The following CCDC82 variants were observed in gnomAD, a reference collection of about 807,000 sequenced individuals.
CCDC82 encodes coiled-coil domain-containing protein 82.
Under a neutral mutation model 60.6 loss-of-function variants are expected in CCDC82, and 47 were observed. The observed-to-expected ratio is 0.77, with a 90% CI of 0.61 to 0.99. The LOEUF is 0.99. Among genes scored for constraint, CCDC82 ranks in the 50% least tolerant of loss-of-function variants. The pLI is 0.00. For missense variants in CCDC82, 588 were observed against 633.0 expected (o/e 0.93, Z 0.76); for synonymous variants, 212 against 207.4 (o/e 1.02, Z -0.19).
intron 6 of CCDC82, among the ~76,000 whole-genome samples, chr11:96,371,467 A>G (rs1017090237): frequency 1.3e-5 from 2 of 152,132 alleles, no homozygotes; most frequent in Non-Finnish European, 2.9e-5. Context: ...CTGTAGTCCC[A>G]GCTACTCGGG....
rs950768273 is a variant in CCDC82 at position 96,373,455 on chromosome 11, T to C, written c.1004A>G (p.Asp335Gly). 2 of 1,588,962 alleles carry C rather than the reference T, an allele frequency of 1.3e-6. No individual in the cohort carries two copies. Among genetic ancestry groups the C allele is most frequent in the African/African-American group, 2.7e-5 (2 of 73,842 alleles). The change falls in exon 6 of 10, where the codon GAC (aspartate) becomes GGC (glycine). Residue 335 changes from aspartate (D) to glycine (G), a missense_variant. Physicochemically the swap from Asp to Gly is moderately conservative, Grantham distance 94 (BLOSUM62 -1). Coordinates refer to ENST00000646818, the MANE Select transcript of CCDC82 (RefSeq NM_024725.4). ...VKQNSLYSFS[D>G]HYTHFERVVK... is the part of the protein sequence containing the mutation. ...AACTCTTTCAAAATGAGTATAGTGG[T>C]CACTAAAAGAATCTGAAATTAATTT...
chr11:96,370,244 A>C (rs1290685936), intron 7 of CCDC82, among the ~76,000 whole-genome samples: 2 of 152,154 alleles, frequency 1.3e-5, no homozygotes, highest in Non-Finnish European at 2.9e-5. Context: ...TAAATAACTT[A>C]AACTTCAATT....
At chr11:96,366,890 T>A (rs1864978548) in intron 7 of CCDC82, among the ~76,000 whole-genome samples, 2 of 152,182 alleles carry the variant, frequency 1.3e-5, no homozygotes, top group South Asian at 4.1e-4. Context: ...AGTAAATATA[T>A]CAATAACGTG....
chr11:96,371,142 T>C lies in CCDC82; in HGVS notation c.1085-5A>G. The C allele has an allele frequency of 6.4e-7, 1 of 1,551,494 alleles. No homozygotes were observed. The highest frequency in any genetic ancestry group is 8.7e-7 in the Non-Finnish European group (1 of 1,152,966). ...ATGATTTTTGCCTTGTGCCATCTGT[T>C]CAGGGGATAAACAACAAAAAAAATC... On this transcript the variant is annotated splice_polypyrimidine_tract_variant and splice_region_variant and intron_variant, in intron 6 of 9. Coordinates refer to ENST00000646818, the MANE Select transcript of CCDC82 (RefSeq NM_024725.4).
At chr11:96,373,797 T>C (rs1271847782) in intron 5 of CCDC82, among the ~76,000 whole-genome samples, 5 of 152,146 alleles carry the variant, frequency 3.3e-5, no homozygotes, top group South Asian at 2.1e-4. Flanking sequence ...ATTTGACACT[T>C]AGAGTGACAG....
intron 8 of CCDC82, among the ~76,000 whole-genome samples, chr11:96,362,882 C>T (rs1864738079): frequency 6.6e-6 from 1 of 152,128 alleles, no homozygotes; most frequent in African/African-American, 2.4e-5. Context: ...TTTTATGTAA[C>T]TGCAAGCAGC....
At position 96,380,932 on chromosome 11, in the gene CCDC82, A is replaced by G. The variant is rs547202687; in HGVS notation, c.991+2337T>C. ...TGTCATTACACACTTGTCAAAACCC[A>G]TAAAAGGTACTAAAAAATGAGCCCT... On this transcript the variant is annotated intron_variant, in intron 5 of 9. Coordinates refer to ENST00000646818, the MANE Select transcript of CCDC82 (RefSeq NM_024725.4). 3 of 151,856 alleles carry G rather than the reference A, an allele frequency of 2.0e-5. No individual in the cohort carries two copies. In the South Asian group the frequency reaches 6.2e-4, roughly 31 times the overall value. 9.4% of individuals were successfully genotyped at this position (151,856 alleles called of 1,614,324 possible).
intron 3 of CCDC82, 159 bp from the exon 4 acceptor site, chr11:96,384,920 A>T: frequency 1.9e-6 from 1 of 522,302 alleles, no homozygotes. Context: ...TTAATTTAAC[A>T]AATAATTTAC....
intron 5 of CCDC82, among the ~76,000 whole-genome samples, chr11:96,373,859 C>T (rs1190783425): frequency 1.3e-5 from 2 of 152,268 alleles, no homozygotes; most frequent in African/African-American, 2.4e-5. Flanking sequence ...TTCTGTAAAA[C>T]GCGTTACATA....
rs778387124 is a variant in CCDC82, at chr11:96,384,274, A to T, written c.474T>A (p.Asn158Lys). 6.2e-7 allele frequency: 1 copy of T among 1,613,394 alleles called. No homozygotes were observed. The highest frequency in any genetic ancestry group is 1.3e-5 in the African/African-American group (1 of 74,850). Residue 158 changes from asparagine (N) to lysine (K), a missense_variant, in exon 4 of 10, where the codon AAT (asparagine) becomes AAA (lysine). By Grantham distance (94) the Asn-to-Lys change is moderately conservative (BLOSUM62 0). Transcript: ENST00000646818. ...DQEKHLSQED[N>K]DLNKQTGQII... ...TTTGTCCAGTTTGTTTGTTGAGATC[A>T]TTATCCTCTTGACTTAAATGTTTTT... is the stretch of plus-strand genomic sequence containing the variant.
At chr11:96,366,950 T>A (rs1445298707) in intron 7 of CCDC82, among the ~76,000 whole-genome samples, 1 of 152,242 alleles carries the variant, frequency 6.6e-6, no homozygotes, top group African/African-American at 2.4e-5. Context: ...ATGTTTACAC[T>A]GTACTGTAGT....
At chr11:96,376,213 GA>G (rs888633765) in intron 5 of CCDC82, among the ~76,000 whole-genome samples, 3 of 151,956 alleles carry the variant, frequency 2.0e-5, no homozygotes, top group African/African-American at 7.3e-5. Context: ...TATATGCCAA[GA>G]TTTTTTTTCA....
chr11:96,358,755 C>A, intron 9 of CCDC82: 1 of 881,712 alleles, frequency 1.1e-6, no homozygotes. Context: ...CAATAAAGGA[C>A]AGTGTTAATG....
At chr11:96,380,858 T>A (rs754201911) in intron 5 of CCDC82, 13 of 151,638 alleles carry the variant, frequency 8.6e-5, no homozygotes, top group Admixed American at 3.3e-4. Context: ...GCACAGGGCA[T>A]TTTGAGGACA....
intron 5 of CCDC82, among the ~76,000 whole-genome samples, chr11:96,379,887 G>A (rs758026357): frequency 6.6e-6 from 1 of 151,798 alleles, no homozygotes; most frequent in Non-Finnish European, 1.5e-5. Context: ...TAATGGGAAA[G>A]AGACTGCCCA....
intron 6 of CCDC82, among the ~76,000 whole-genome samples, chr11:96,371,420 A>C (rs576599351): frequency 3.3e-4 from 50 of 152,156 alleles, no homozygotes; most frequent in South Asian, 2.9e-3. Flanking sequence ...ATCTCTACTA[A>C]AAATACAAAA....
At chr11:96,358,722 A>G (rs1715171043) in intron 9 of CCDC82, 1 of 1,106,106 alleles carries the variant, frequency 9.0e-7, no homozygotes, top group African/African-American at 1.7e-5. Flanking sequence ...TACATACATA[A>G]AAGCGAAAGG....
At chr11:96,356,512 C>T (rs1479555166) in intron 9 of CCDC82, 1 of 985,176 alleles carries the variant, frequency 1.0e-6, no homozygotes, top group African/African-American at 1.7e-5. Flanking sequence ...CCCAACAATA[C>T]TATCTTCAAC....
At chr11:96,371,558 G>A (rs1041597269) in intron 6 of CCDC82, among the ~76,000 whole-genome samples, 3 of 152,212 alleles carry the variant, frequency 2.0e-5, no homozygotes, top group Non-Finnish European at 2.9e-5. Context: ...CTCCAGCCTG[G>A]GTGATAGAGT....
Sources: allele counts gnomAD v4.1 joint callset (sites outside exome capture counted in the v4.1 genomes callset), GRCh38; gene constraint gnomAD v4.1.1; transcripts MANE v1.5; gene names NCBI Gene and HGNC (gene_info 2026-07-23, HGNC 2026-07-21).